Variants in PDE12 observed in about 807,000 individuals in gnomAD.
PDE12 encodes the protein phosphodiesterase 12, also known as 2',5'-phosphodiesterase 12.
A neutral mutation model predicts 45.4 loss-of-function variants in PDE12; 26 were observed. That is an observed-to-expected ratio of 0.57 (90% CI 0.42 to 0.79). The LOEUF (loss-of-function observed/expected upper bound fraction) is 0.79, where lower values mean the gene tolerates loss of function less well. Ranked by LOEUF, PDE12 falls within the 30% of genes least tolerant of loss-of-function variation. The pLI is 0.00. For missense variants in PDE12, 668 were observed against 790.0 expected, an observed-to-expected ratio of 0.85 and a Z score of 1.85; for synonymous variants, 283 against 323.9, an observed-to-expected ratio of 0.87 and a Z score of 1.36.
the PDE12 span, among the ~76,000 whole-genome samples, chr3:57,593,604 G>C: frequency 3.9e-5 from 6 of 152,276 alleles, no homozygotes; most frequent in African/African-American, 1.4e-4. Flanking sequence ...GCAAGAACTG[G>C]AAAGTTCAAA....
At chr3:57,584,293 A>G in the PDE12 span, 4 of 1,183,386 alleles carry the variant, frequency 3.4e-6, no homozygotes, top group Middle Eastern at 2.8e-4. Flanking sequence ...GATAATCAAC[A>G]TGCTTAACAA....
chr3:57,641,676 C>T, the PDE12 span: 5 of 1,612,092 alleles, frequency 3.1e-6, no homozygotes, highest in South Asian at 2.2e-5. Flanking sequence ...GTCTCCTATT[C>T]GAATAATGTG....
downstream of PDE12, among the ~76,000 whole-genome samples, chr3:57,567,585 C>T (rs553875959): frequency 5.3e-5 from 8 of 152,226 alleles, no homozygotes; most frequent in African/African-American, 1.9e-4. Context: ...AGTAACCTTC[C>T]AGTAGTGGCC....
the PDE12 span, among the ~76,000 whole-genome samples, chr3:57,612,885 ACT>A: frequency 2.0e-5 from 3 of 152,152 alleles, no homozygotes; most frequent in Non-Finnish European, 4.4e-5. Context: ...CTGTATCCTA[ACT>A]CTATAATTAC....
At chr3:57,651,689 CA>C in the PDE12 span, among the ~76,000 whole-genome samples, 4,058 of 137,452 alleles carry the variant, frequency 0.03, 68 homozygotes, top group Non-Finnish European at 0.039. Flanking sequence ...ATTTAATTAC[CA>C]AAAAAAAAAA....
the PDE12 span, among the ~76,000 whole-genome samples, chr3:57,633,037 A>C: frequency 6.6e-6 from 1 of 152,222 alleles, no homozygotes; most frequent in Admixed American, 6.5e-5. Flanking sequence ...GCCATATTTC[A>C]CAGGTGAGAA....
At chr3:57,649,559 C>A in the PDE12 span, among the ~76,000 whole-genome samples, 1 of 150,448 alleles carries the variant, frequency 6.6e-6, no homozygotes, top group East Asian at 1.9e-4. Flanking sequence ...CTTGCACATG[C>A]ATGTTTATAG....
chr3:57,588,741 G>A, the PDE12 span, among the ~76,000 whole-genome samples: 1 of 139,418 alleles, frequency 7.2e-6, no homozygotes, highest in African/African-American at 2.7e-5. Context: ...TGGATGACCT[G>A]AGCTCAGGAG....
chr3:57,605,973 A>G, the PDE12 span, among the ~76,000 whole-genome samples: 2 of 152,178 alleles, frequency 1.3e-5, no homozygotes, highest in Non-Finnish European at 2.9e-5. Flanking sequence ...AAAAGGAAAA[A>G]TGAAGAGCAT....
chr3:57,638,766 A>T, the PDE12 span, among the ~76,000 whole-genome samples: 1 of 152,024 alleles, frequency 6.6e-6, no homozygotes, highest in Admixed American at 6.6e-5. Flanking sequence ...CCCACAATAA[A>T]ATACTAACTC....
At chr3:57,619,360 AAAC>A in the PDE12 span, 1 of 153,396 alleles carries the variant, frequency 6.5e-6, no homozygotes, top group Non-Finnish European at 1.4e-5. Flanking sequence ...AAACAAAACA[AAAC>A]AAAACAAAAC....
the PDE12 span, among the ~76,000 whole-genome samples, chr3:57,618,615 T>TTTTTG: frequency 2.4e-5 from 3 of 124,846 alleles, no homozygotes; most frequent in East Asian, 3.4e-4. Flanking sequence ...GTGTTTTTTT[T>TTTTTG]TTTTTTTTTT....
rs1326385274 is a variant in PDE12 at position 57,557,660 on chromosome 3, G to T, written c.1281G>T (p.Lys427Asn). 2 of 1,613,876 alleles carry T rather than the reference G, an allele frequency of 1.2e-6. No homozygotes were observed. The highest frequency in any genetic ancestry group is 2.2e-5 in the South Asian group (2 of 91,080). ...TTTTGTACCCATCAGCGCAGGAGAA[G>T]GTGCTCCAGAGATCTTCTGTTCTTC... ...KLVLYPSAQEKVLQRSSVLQV... is the reference protein window; with the variant it reads ...KLVLYPSAQENVLQRSSVLQV... Residue 427 changes from lysine (K) to asparagine (N), a missense_variant, in exon 1 of 3, where the codon AAG becomes AAT. Transcript: ENST00000311180.
the PDE12 span, among the ~76,000 whole-genome samples, chr3:57,618,495 C>T: frequency 2.2e-4 from 33 of 151,534 alleles, no homozygotes; most frequent in Non-Finnish European, 3.7e-4. Context: ...GGTGATGGCT[C>T]ACTGCAGCCT....
the PDE12 span, among the ~76,000 whole-genome samples, chr3:57,649,861 G>A: frequency 7.3e-6 from 1 of 136,800 alleles, no homozygotes. Context: ...TATCCCACTA[G>A]ACCACGTCTC....
chr3:57,611,688 C>T, the PDE12 span, among the ~76,000 whole-genome samples: 1 of 152,156 alleles, frequency 6.6e-6, no homozygotes, highest in African/African-American at 2.4e-5. Context: ...CAATGAGATA[C>T]CATCTCACAC....
At chr3:57,656,008 T>G in the PDE12 span, among the ~76,000 whole-genome samples, 25 of 152,244 alleles carry the variant, frequency 1.6e-4, no homozygotes, top group Non-Finnish European at 3.1e-4. Flanking sequence ...TAATATTTAT[T>G]CATTTTGGGG....
chr3:57,631,716 C>T, the PDE12 span, among the ~76,000 whole-genome samples: 1 of 92,014 alleles, frequency 1.1e-5, no homozygotes, highest in Non-Finnish European at 2.1e-5. Context: ...TCTCTGCTCT[C>T]TTTTTTTTTT....
downstream of PDE12, among the ~76,000 whole-genome samples, chr3:57,568,839 C>T (rs969649675): frequency 5.3e-5 from 6 of 112,848 alleles, no homozygotes; most frequent in Admixed American, 4.9e-4. Context: ...AGACAAAAGA[C>T]AATGGGAAAT....
Sources: gnomAD v4.1 joint callset for allele counts (sites outside exome capture counted in the v4.1 genomes callset) on GRCh38, gnomAD v4.1.1 for gene constraint, MANE v1.5 for transcripts, NCBI Gene and HGNC (gene_info 2026-07-23, HGNC 2026-07-21) for gene names.